The following ZMYM2 variants were observed in gnomAD, a reference collection of about 807,000 sequenced individuals.
ZMYM2 encodes the protein zinc finger MYM-type containing 2.
ZMYM2 carries 56 observed loss-of-function variants against 162.8 expected under a neutral mutation model. The ratio of observed to expected loss-of-function variants is 0.34; its 90% CI spans 0.28 to 0.43. The LOEUF is 0.43. Ranked by LOEUF, ZMYM2 falls within the 20% of genes least tolerant of loss-of-function variation. The pLI is 1.00. For synonymous variants in ZMYM2, 510 were observed against 541.6 expected, an observed-to-expected ratio of 0.94 and a Z score of 0.81; for missense variants, 1,275 against 1,621.8, an observed-to-expected ratio of 0.79 and a Z score of 3.67.
chr13:19,957,793 G>A (rs1486702826), upstream of ZMYM2, among the ~76,000 whole-genome samples: 2 of 152,214 alleles, frequency 1.3e-5, no homozygotes, highest in South Asian at 4.1e-4. Context: ...CCCTCCAACC[G>A]GTGGGAGCCC....
At chr13:19,873,855 C>T in the ZMYM2 span, among the ~76,000 whole-genome samples, 32 of 152,228 alleles carry the variant, frequency 2.1e-4, no homozygotes, top group Non-Finnish European at 3.4e-4. Context: ...ACCCCATACT[C>T]ATCTGGGCCT....
intron 12 of ZMYM2, among the ~76,000 whole-genome samples, chr13:20,041,290 A>G (rs988956095): frequency 4.6e-5 from 7 of 152,184 alleles, no homozygotes; most frequent in South Asian, 2.1e-4. Context: ...TGATGGTTCA[A>G]TTGAACCCTT....
the ZMYM2 span, among the ~76,000 whole-genome samples, chr13:19,881,008 C>T: frequency 2.6e-5 from 4 of 151,798 alleles, no homozygotes; most frequent in African/African-American, 7.3e-5. Flanking sequence ...CCTGCCTCAG[C>T]CTCCCTAGTA....
rs143165356 is a variant in ZMYM2, at chr13:19,988,724, G to A, written c.-10-4339G>A. Among the ~76,000 whole-genome samples the A allele has an allele frequency of 2.5e-3, 381 of 152,176 alleles. 2 individuals are homozygous for A. The highest frequency in any genetic ancestry group is 8.1e-3 in the African/African-American group (335 of 41,534). On this transcript the variant is annotated intron_variant, in intron 2 of 24. Transcript: ENST00000610343. The stretch of plus-strand genomic sequence containing the variant: ...CTTGAACCCAGGAGGTGGAGGTTGC[G>A]GTGAGCAAGATCGATTGCGCCACTG...
At chr13:19,917,222 A>G in the ZMYM2 span, among the ~76,000 whole-genome samples, 1 of 151,952 alleles carries the variant, frequency 6.6e-6, no homozygotes, top group Non-Finnish European at 1.5e-5. Context: ...TTGGCCTCCC[A>G]AAGTGCTGGG....
chr13:19,896,910 T>TA, the ZMYM2 span, among the ~76,000 whole-genome samples: 3 of 140,074 alleles, frequency 2.1e-5, no homozygotes, highest in African/African-American at 8.1e-5. Flanking sequence ...ACGTCTCTAC[T>TA]AAAAATACAA....
chr13:20,024,377 C>T, intron 7 of ZMYM2: 1 of 207,902 alleles, frequency 4.8e-6, no homozygotes, highest in Non-Finnish European at 9.8e-6. Flanking sequence ...GGAATAGACT[C>T]ACTCGGTCAG....
At chr13:19,966,928 C>T (rs572804633) in intron 2 of ZMYM2, among the ~76,000 whole-genome samples, 14 of 152,212 alleles carry the variant, frequency 9.2e-5, no homozygotes, top group African/African-American at 2.6e-4. Context: ...TTAACTCCTG[C>T]CTAGGAAGTC....
the ZMYM2 span, among the ~76,000 whole-genome samples, chr13:19,942,159 T>C: frequency 6.6e-6 from 1 of 152,160 alleles, no homozygotes; most frequent in Non-Finnish European, 1.5e-5. Context: ...TTAATATAAA[T>C]AATAGCTTCA....
At chr13:20,011,577 T>TTTTG (rs1951187198) in intron 6 of ZMYM2, among the ~76,000 whole-genome samples, 4 of 149,582 alleles carry the variant, frequency 2.7e-5, no homozygotes, top group African/African-American at 9.9e-5. Context: ...TTTTTTGTTT[T>TTTTG]ATTTTTTTTT....
chr13:19,947,485 A>T, the ZMYM2 span, among the ~76,000 whole-genome samples: 1 of 142,640 alleles, frequency 7.0e-6, no homozygotes, highest in Non-Finnish European at 1.5e-5. Flanking sequence ...CTTGAGACAG[A>T]GTCTTGCTCT....
chr13:20,083,819 G>C, intron 24 of ZMYM2, 43 bp downstream of exon 24: 1 of 1,570,418 alleles, frequency 6.4e-7, no homozygotes, highest in Non-Finnish European at 8.6e-7. Context: ...GTTGGTAGAA[G>C]TTGGCTGGTT....
At chr13:20,052,247 T>C in intron 13 of ZMYM2, 30 bp from the exon 14 acceptor site, 1 of 1,528,958 alleles carries the variant, frequency 6.5e-7, no homozygotes, top group Non-Finnish European at 8.8e-7. Flanking sequence ...AGAGTATTTG[T>C]CTTATTTTAA....
At chr13:19,873,584 T>C in the ZMYM2 span, among the ~76,000 whole-genome samples, 1 of 152,066 alleles carries the variant, frequency 6.6e-6, no homozygotes, top group Non-Finnish European at 1.5e-5. Flanking sequence ...AATTTTTGTA[T>C]TTTTAGTAGA....
intron 6 of ZMYM2, among the ~76,000 whole-genome samples, chr13:20,016,008 A>G (rs142541406): frequency 2.0e-5 from 3 of 152,176 alleles, no homozygotes; most frequent in Non-Finnish European, 4.4e-5. Context: ...TACATTTAAC[A>G]TAATTACCAA....
At chr13:19,920,681 G>A in the ZMYM2 span, among the ~76,000 whole-genome samples, 1 of 151,884 alleles carries the variant, frequency 6.6e-6, no homozygotes, top group Admixed American at 6.6e-5. Context: ...AGAGGAAGGG[G>A]CTGAGGAGGG....
chr13:20,031,539 T>A (rs979868838), intron 10 of ZMYM2, 104 bp downstream of exon 10: 1 of 765,908 alleles, frequency 1.3e-6, no homozygotes, highest in Admixed American at 3.8e-5. Context: ...TAGATAAAAA[T>A]ATGCTTTTCA....
intron 2 of ZMYM2, among the ~76,000 whole-genome samples, chr13:19,968,295 C>T (rs55934965): frequency 0.077 from 11,702 of 152,048 alleles, 1,364 homozygotes; most frequent in African/African-American, 0.25. Context: ...CAAGCTGGAG[C>T]GCAATGGTGT....
the ZMYM2 span, among the ~76,000 whole-genome samples, chr13:19,866,766 T>C: frequency 2.6e-5 from 4 of 152,038 alleles, no homozygotes; most frequent in Non-Finnish European, 4.4e-5. Context: ...AAGTGGTGCA[T>C]GCCTGTAGTC....
Sources: gnomAD v4.1 joint callset for allele counts (sites outside exome capture counted in the v4.1 genomes callset) on GRCh38, gnomAD v4.1.1 for gene constraint, MANE v1.5 for transcripts, NCBI Gene and HGNC (gene_info 2026-07-23, HGNC 2026-07-21) for gene names.